Variants in KANK1 observed in about 807,000 individuals in gnomAD.
The protein encoded by KANK1 is KN motif and ankyrin repeat domain-containing protein 1.
KANK1 carries 109 observed loss-of-function variants against 106.2 expected under a neutral mutation model. That is an observed-to-expected ratio of 1.03 (90% CI 0.88 to 1.20). KANK1 has a LOEUF of 1.20. KANK1 is among the 50% of genes most tolerant of loss of function. The pLI, the probability that KANK1 is intolerant of heterozygous loss-of-function variation, is 0.00. For synonymous variants in KANK1, 873 were observed against 652.2 expected (o/e 1.34, Z -5.16); for missense variants, 2,399 against 1,710.7 (o/e 1.40, Z -7.10).
intron 1 of KANK1, among the ~76,000 whole-genome samples, chr9:518,119 C>G (rs12349522): frequency 0.099 from 15,077 of 151,684 alleles, 2,853 homozygotes; most frequent in African/African-American, 0.35. Context: ...CTCTTTCCTG[C>G]TCTGTCAACT....
chr9:477,596 G>C (rs186114099), intron 3 of KANK1, among the ~76,000 whole-genome samples: 16 of 152,300 alleles, frequency 1.1e-4, no homozygotes, highest in Non-Finnish European at 1.9e-4. Context: ...GGAAAAGTGA[G>C]TTTTATGTAT....
At position 539,066 on chromosome 9, in the gene KANK1, C is replaced by G. The variant is rs112701966; in HGVS notation, c.-84+34312C>G. Among the ~76,000 whole-genome samples, 211 of 151,948 alleles carry G rather than the reference C, an allele frequency of 1.4e-3. 3 individuals carry two copies. Among genetic ancestry groups the G allele is most frequent in the African/African-American group, 4.3e-3 (178 of 41,454 alleles). ...TGGCTAATATTTATATTTTTGGTAG[C>G]GACGGGATTTCACCATGTTGGCCCA... On this transcript the variant is annotated intron_variant, in intron 1 of 11. Coordinates refer to ENST00000382297, the MANE Select transcript of KANK1 (RefSeq NM_015158.5).
intron 3 of KANK1, among the ~76,000 whole-genome samples, chr9:493,226 C>A (rs2058405973): frequency 6.6e-6 from 1 of 151,148 alleles, no homozygotes; most frequent in South Asian, 2.1e-4. Flanking sequence ...CCATCTTGGT[C>A]ATTCTTTTTG....
chr9:528,392 T>C (rs1389215542), intron 1 of KANK1, among the ~76,000 whole-genome samples: 1 of 151,822 alleles, frequency 6.6e-6, no homozygotes, highest in Non-Finnish European at 1.5e-5. Context: ...ATTTTCTATG[T>C]CTTGGTCTTT....
chr9:647,856 C>T (rs1312397563), intron 1 of KANK1, among the ~76,000 whole-genome samples: 1 of 150,574 alleles, frequency 6.6e-6, no homozygotes. Flanking sequence ...AAGTGTTTTT[C>T]ATAGAGATGT....
intron 1 of KANK1, among the ~76,000 whole-genome samples, chr9:625,779 A>T (rs2136556333): frequency 6.6e-6 from 1 of 152,316 alleles, no homozygotes; most frequent in South Asian, 2.1e-4. Context: ...TGCTTTAAAA[A>T]GCTGAGCCCC....
intron 1 of KANK1, among the ~76,000 whole-genome samples, chr9:558,672 C>T (rs1331849735): frequency 6.8e-6 from 1 of 147,798 alleles, no homozygotes; most frequent in Non-Finnish European, 1.5e-5. Flanking sequence ...AGCAAAATCA[C>T]CAAGAAACCC....
intron 1 of KANK1, among the ~76,000 whole-genome samples, chr9:583,210 A>T (rs552494238): frequency 6.6e-6 from 1 of 152,216 alleles, no homozygotes; most frequent in Non-Finnish European, 1.5e-5. Context: ...TTTAGGATCA[A>T]TACAGAGCTT....
At chr9:735,306 CCACTATTTTTAAACATAAAAATAACCG>C (rs1833484188) in intron 7 of KANK1, among the ~76,000 whole-genome samples, 2 of 152,256 alleles carry the variant, frequency 1.3e-5, no homozygotes, top group South Asian at 4.1e-4. Flanking sequence ...ATGCAGGCGG[CCACTATTTTTAAACATAAAAATAACCG>C]CACTTGTCAT....
chr9:546,840 GGCTCTAATGCATAGTTA>G (rs1047678794), intron 1 of KANK1, among the ~76,000 whole-genome samples: 1 of 152,078 alleles, frequency 6.6e-6, no homozygotes, highest in East Asian at 1.9e-4. Flanking sequence ...ATGTTGATAA[GGCTCTAATGCATAGTTA>G]GCCCCTTGAC....
chr9:580,891 G>A (rs1413712881), intron 1 of KANK1, among the ~76,000 whole-genome samples: 1 of 152,200 alleles, frequency 6.6e-6, no homozygotes, highest in Non-Finnish European at 1.5e-5. Flanking sequence ...CGGCATGGTG[G>A]GCTGCAGGTC....
intron 2 of KANK1, among the ~76,000 whole-genome samples, chr9:705,599 TG>T (rs1239803523): frequency 6.7e-6 from 1 of 148,274 alleles, no homozygotes; most frequent in African/African-American, 2.5e-5. Flanking sequence ...ATATTTTTTT[TG>T]GGGGGGTGGG....
chr9:478,866 C>A (rs1425650616), intron 3 of KANK1, among the ~76,000 whole-genome samples: 2 of 152,106 alleles, frequency 1.3e-5, no homozygotes. Context: ...GTTTTTGACC[C>A]CATTATATGA....
At chr9:592,841 T>C (rs1337014716) in intron 1 of KANK1, among the ~76,000 whole-genome samples, 2 of 151,886 alleles carry the variant, frequency 1.3e-5, no homozygotes, top group Non-Finnish European at 2.9e-5. Context: ...ATATTGTTTT[T>C]TCTTTCTTCT....
intron 1 of KANK1, among the ~76,000 whole-genome samples, chr9:652,757 A>G (rs1362343471): frequency 6.6e-6 from 1 of 152,238 alleles, no homozygotes; most frequent in African/African-American, 2.4e-5. Context: ...CTGGGAAGCA[A>G]TACACCAAAG....
At chr9:648,716 G>T (rs748473103) in intron 1 of KANK1, among the ~76,000 whole-genome samples, 1 of 152,152 alleles carries the variant, frequency 6.6e-6, no homozygotes, top group African/African-American at 2.4e-5. Flanking sequence ...TTCTTTATCT[G>T]TTGCGGGGGA....
chr9:646,555 T>C (rs1452090249), intron 1 of KANK1, among the ~76,000 whole-genome samples: 1 of 147,832 alleles, frequency 6.8e-6, no homozygotes, highest in East Asian at 1.9e-4. Flanking sequence ...TAAAATAATA[T>C]GTTGAACATG....
At chr9:736,681 CAG>C (rs1833885836) in intron 7 of KANK1, among the ~76,000 whole-genome samples, 1 of 148,608 alleles carries the variant, frequency 6.7e-6, no homozygotes, top group Admixed American at 6.8e-5. Flanking sequence ...GCCTGGGAGA[CAG>C]AGTGACACCC....
At chr9:639,655 G>A (rs903226284) in intron 1 of KANK1, among the ~76,000 whole-genome samples, 8 of 152,284 alleles carry the variant, frequency 5.3e-5, no homozygotes, top group African/African-American at 1.9e-4. Context: ...CACACCCTCT[G>A]CCTTCTGTGT....
Sources: gnomAD v4.1 joint callset for allele counts (sites outside exome capture counted in the v4.1 genomes callset) on GRCh38, gnomAD v4.1.1 for gene constraint, MANE v1.5 for transcripts, NCBI Gene and HGNC (gene_info 2026-07-23, HGNC 2026-07-21) for gene names.